The following GLB1 variants were observed in gnomAD, a reference collection of about 807,000 sequenced individuals.
GLB1 encodes the protein beta-galactosidase.
Under a neutral mutation model 74.0 loss-of-function variants are expected in GLB1, and 56 were observed. The observed-to-expected ratio is 0.76, with a 90% CI of 0.61 to 0.94. The LOEUF (loss-of-function observed/expected upper bound fraction) is 0.94. GLB1 is among the 40% of genes least tolerant of loss of function. GLB1 has a pLI of 0.00. For synonymous variants in GLB1, 323 were observed against 323.6 expected (o/e 1.00, Z 0.02); for missense variants, 787 against 845.5 (o/e 0.93, Z 0.86).
At chr3:33,016,537 T>C (rs1181790293) in intron 14 of GLB1, among the ~76,000 whole-genome samples, 172 bp downstream of exon 14, 4 of 152,140 alleles carry the variant, frequency 2.6e-5, no homozygotes, top group Admixed American at 2.6e-4. Context: ...TTTAATTCTT[T>C]GTAGAGGTCT....
At chr3:32,981,630 C>G in the GLB1 span, among the ~76,000 whole-genome samples, 9 of 151,590 alleles carry the variant, frequency 5.9e-5, no homozygotes, top group East Asian at 1.8e-3. Flanking sequence ...AAAAATTAGC[C>G]AGGCGTCATG....
At chr3:33,087,340 C>T (rs181150703) in intron 1 of GLB1, among the ~76,000 whole-genome samples, 5 of 152,192 alleles carry the variant, frequency 3.3e-5, no homozygotes, top group Admixed American at 6.5e-5. Context: ...GAGGGGGAAG[C>T]GGCCAGATCA....
chr3:33,069,856 T>A (rs1276089182), intron 2 of GLB1, among the ~76,000 whole-genome samples: 1 of 152,178 alleles, frequency 6.6e-6, no homozygotes, highest in Non-Finnish European at 1.5e-5. Flanking sequence ...ATGTGCAGGT[T>A]TGTTATACAG....
At chr3:33,031,656 T>TATATATAC (rs1698042311) in intron 10 of GLB1, among the ~76,000 whole-genome samples, 2 of 117,006 alleles carry the variant, frequency 1.7e-5, no homozygotes, top group African/African-American at 3.3e-5. Context: ...TATATATATA[T>TATATATAC]ATATATATAT....
chr3:33,063,273 T>A (rs1319997496), intron 5 of GLB1, among the ~76,000 whole-genome samples: 4 of 152,174 alleles, frequency 2.6e-5, no homozygotes, highest in African/African-American at 9.7e-5. Flanking sequence ...TAAAAAATAT[T>A]CAAGGAAACT....
chr3:33,092,679 C>A, intron 1 of GLB1: 15 of 1,415,866 alleles, frequency 1.1e-5, no homozygotes, highest in Non-Finnish European at 1.4e-5. Context: ...CAGGCAGGCC[C>A]ACCATAAGTC....
At chr3:32,988,165 G>A in the GLB1 span, among the ~76,000 whole-genome samples, 1 of 116,878 alleles carries the variant, frequency 8.6e-6, no homozygotes, top group Non-Finnish European at 1.6e-5. Context: ...CAGCCTGGGT[G>A]ACAGAGCAAG....
chr3:33,013,861 G>A (rs1697126605), intron 15 of GLB1, among the ~76,000 whole-genome samples, 195 bp downstream of exon 15: 1 of 152,142 alleles, frequency 6.6e-6, no homozygotes, highest in African/African-American at 2.4e-5. Flanking sequence ...TGACAAGGGG[G>A]CAGATGGCAG....
rs1160270810 is a variant in GLB1, at chr3:32,997,443, A to G, written c.1735-99T>C. 3.2e-6 allele frequency: 5 copies of G among 1,555,396 alleles called. No individual in the cohort carries two copies. The South Asian group carries it at 3.5e-5, about 11-fold the overall frequency. ...TAGGGCAGGCCAGCAGCAATGGAGG[A>G]AAGAAATGCCCCCAGAAAGGCGAGG... On this transcript the variant is annotated intron_variant, in intron 15 of 15. Transcript: ENST00000307363.
intron 1 of GLB1, among the ~76,000 whole-genome samples, chr3:33,096,109 C>G (rs1199743823): frequency 6.6e-6 from 1 of 152,220 alleles, no homozygotes; most frequent in Non-Finnish European, 1.5e-5. Context: ...GCTACCAGCT[C>G]TTACTTAAAG....
rs766181021 is a variant in GLB1, at chr3:32,997,180, T to C, written c.1899A>G (p.Leu633=). 5.6e-6 allele frequency: 9 copies of C among 1,614,122 alleles called. No individual in the cohort carries two copies. The highest frequency in any genetic ancestry group is 2.2e-5 in the East Asian group (1 of 44,872). Reference sequence around the variant, plus strand: ...GCCTGTCCACGAACGTCACAGCACATAGTTCTGGATCATCACTGCTGCAGG... The same window carrying C: ...GCCTGTCCACGAACGTCACAGCACACAGTTCTGGATCATCACTGCTGCAGG... ...WAPCSSDDPE[L]CAVTFVDRPV... The change falls in exon 16 of 16, where the codon CTA becomes CTG. Residue 633 remains leucine, a synonymous_variant. Coordinates refer to ENST00000307363, the MANE Select transcript of GLB1 (RefSeq NM_000404.4).
intron 1 of GLB1, among the ~76,000 whole-genome samples, chr3:33,079,234 T>C (rs1444882962): frequency 6.6e-6 from 1 of 152,162 alleles, no homozygotes; most frequent in African/African-American, 2.4e-5. Context: ...GGGGTAATGG[T>C]AATTAATATT....
chr3:33,086,877 A>T (rs1700522125), intron 1 of GLB1, among the ~76,000 whole-genome samples: 1 of 152,100 alleles, frequency 6.6e-6, no homozygotes, highest in Admixed American at 6.6e-5. Flanking sequence ...AAACAAAATA[A>T]CTATAAAAAG....
intron 10 of GLB1, among the ~76,000 whole-genome samples, chr3:33,026,723 G>A (rs879535850): frequency 7.2e-5 from 11 of 152,232 alleles, no homozygotes; most frequent in Admixed American, 7.2e-4. Flanking sequence ...GAGACAATCA[G>A]CTGCAGAGAG....
At chr3:32,975,160 C>T in the GLB1 span, among the ~76,000 whole-genome samples, 1 of 152,168 alleles carries the variant, frequency 6.6e-6, no homozygotes, top group African/African-American at 2.4e-5. Flanking sequence ...TGGCTTACTG[C>T]AGCCTCAACC....
chr3:33,009,453 C>T (rs576159917), intron 15 of GLB1, among the ~76,000 whole-genome samples: 18 of 151,842 alleles, frequency 1.2e-4, no homozygotes, highest in Non-Finnish European at 2.4e-4. Context: ...ACCCAGGAGG[C>T]GGAGGTTGCA....
intron 14 of GLB1, among the ~76,000 whole-genome samples, chr3:33,015,987 C>T (rs1204705221): frequency 6.6e-6 from 1 of 152,322 alleles, no homozygotes; most frequent in East Asian, 1.9e-4. Flanking sequence ...CAAATGCTTG[C>T]TGAATAATGC....
the GLB1 span, among the ~76,000 whole-genome samples, chr3:32,966,864 G>A: frequency 2.0e-5 from 3 of 152,178 alleles, no homozygotes; most frequent in African/African-American, 7.2e-5. Context: ...TGTCTTGCCT[G>A]CTGCCATGTA....
chr3:33,038,577 T>C (rs1698381138), intron 10 of GLB1, among the ~76,000 whole-genome samples: 1 of 152,240 alleles, frequency 6.6e-6, no homozygotes, highest in East Asian at 1.9e-4. Context: ...TGATATTTGT[T>C]ACTAGTTTTC....
Sources: allele counts gnomAD v4.1 joint callset (sites outside exome capture counted in the v4.1 genomes callset), GRCh38; gene constraint gnomAD v4.1.1; transcripts MANE v1.5; gene names NCBI Gene and HGNC (gene_info 2026-07-23, HGNC 2026-07-21).